SMARCA2: variants seen among roughly 807,000 people sequenced by gnomAD.
SMARCA2 encodes SWI/SNF-related matrix-associated actin-dependent regulator of chromatin subfamily A member 2.
SMARCA2 carries 61 observed loss-of-function variants against 199.8 expected under a neutral mutation model. The observed-to-expected ratio is 0.31, with a 90% CI of 0.25 to 0.38. SMARCA2 has a LOEUF of 0.38. Among genes scored for constraint, SMARCA2 ranks in the 10% least tolerant of loss-of-function variants. SMARCA2 has a pLI of 1.00. For missense variants in SMARCA2, 1,344 were observed against 2,012.2 expected (o/e 0.67, Z 6.35); for synonymous variants, 935 against 732.0 (o/e 1.28, Z -4.48).
At chr9:2,160,794 ATG>A (rs1415948875) in intron 27 of SMARCA2, 4 of 395,952 alleles carry the variant, frequency 1.0e-5, no homozygotes, top group Non-Finnish European at 1.8e-5. Context: ...TTTCTTTTCT[ATG>A]TTCAAATTTT....
intron 2 of SMARCA2, among the ~76,000 whole-genome samples, chr9:2,030,116 G>C (rs1818998842): frequency 6.6e-6 from 1 of 152,188 alleles, no homozygotes. Context: ...AGGTGGATAG[G>C]GTGGCAGGGC....
chr9:2,193,042 G>A lies in SMARCA2; in HGVS notation c.*303G>A. 1 of 292,286 alleles carries A rather than the reference G, an allele frequency of 3.4e-6. No individual in the cohort carries two copies. The highest frequency in any genetic ancestry group is 6.3e-6 in the Non-Finnish European group (1 of 159,568). The allele number at this position is 292,286 out of a possible 1,614,324, so 18.1% of individuals were successfully genotyped here. On this transcript the variant is annotated 3_prime_UTR_variant, in exon 34 of 34. Transcript: ENST00000349721. ...TATTTCTATGGGTGGGTCTAATTTG[G>A]TAACGGTTTGATTGTGCCTGGTTTT...
At chr9:2,185,967 G>C in intron 31 of SMARCA2, 129 bp from the exon 32 acceptor site, 1 of 867,122 alleles carries the variant, frequency 1.2e-6, no homozygotes, top group Non-Finnish European at 1.8e-6. Context: ...TTTTCATGTG[G>C]GCATAAAAGC....
chr9:2,092,246 T>A (rs1822093473), intron 19 of SMARCA2, among the ~76,000 whole-genome samples: 1 of 152,224 alleles, frequency 6.6e-6, no homozygotes, highest in Admixed American at 6.5e-5. Context: ...AATATGTATA[T>A]AATATCTGAG....
chr9:2,134,182 T>C (rs1195344034), intron 27 of SMARCA2, among the ~76,000 whole-genome samples: 1 of 152,016 alleles, frequency 6.6e-6, no homozygotes, highest in African/African-American at 2.4e-5. Context: ...AGACTCGGGG[T>C]GACAAGAGAA....
chr9:2,112,835 G>A (rs1385443061), intron 24 of SMARCA2, among the ~76,000 whole-genome samples: 1 of 152,108 alleles, frequency 6.6e-6, no homozygotes, highest in Non-Finnish European at 1.5e-5. Flanking sequence ...TCATTTAAAA[G>A]GTACAGAACT....
At chr9:2,178,275 C>G (rs1305486846) in intron 29 of SMARCA2, among the ~76,000 whole-genome samples, 1 of 152,164 alleles carries the variant, frequency 6.6e-6, no homozygotes, top group African/African-American at 2.4e-5. Context: ...AGTTGTACCC[C>G]TCCCCCACTT....
chr9:2,057,267 T>C (rs1820395614), intron 7 of SMARCA2, among the ~76,000 whole-genome samples: 1 of 152,234 alleles, frequency 6.6e-6, no homozygotes, highest in Non-Finnish European at 1.5e-5. Flanking sequence ...CTCCTTGTTT[T>C]CTTACGTGGT....
intron 4 of SMARCA2, chr9:2,040,173 C>T (rs73377073): frequency 1.0e-4 from 67 of 657,038 alleles, no homozygotes; most frequent in Middle Eastern, 4.2e-4. Context: ...CTCTTTGAAG[C>T]GGTTCAAGGT....
intron 29 of SMARCA2, among the ~76,000 whole-genome samples, chr9:2,179,595 A>ATTGT (rs1398884266): frequency 6.6e-6 from 1 of 152,162 alleles, no homozygotes; most frequent in African/African-American, 2.4e-5. Context: ...TCATACCTAG[A>ATTGT]TTGTTTTAGC....
At chr9:2,036,073 C>T (rs10964507) in intron 3 of SMARCA2, among the ~76,000 whole-genome samples, 14,183 of 152,130 alleles carry the variant, frequency 0.093, 817 homozygotes, top group East Asian at 0.22. Context: ...AAAGCCATTT[C>T]CTTCAATAAA....
intron 27 of SMARCA2, chr9:2,160,198 C>T (rs1483251762): frequency 2.5e-6 from 1 of 396,910 alleles, no homozygotes; most frequent in African/African-American, 2.1e-5. Flanking sequence ...AATATTAATG[C>T]AATAATGTGA....
chr9:2,157,735 T>G (rs1364507416), intron 27 of SMARCA2: 7 of 391,566 alleles, frequency 1.8e-5, no homozygotes, highest in Non-Finnish European at 2.3e-5. Flanking sequence ...GCTTTTTGTT[T>G]GCGTGTCCCT....
Position 2,107,173 on chromosome 9 carries a change from T to C in SMARCA2, c.3292+3004T>C, listed in dbSNP as rs550927455. Among the ~76,000 whole-genome samples, 12 of 152,300 alleles carry C rather than the reference T, an allele frequency of 7.9e-5. No individual in the cohort carries two copies. The South Asian group carries it at 2.3e-3, about 29-fold the overall frequency. On this transcript the variant is annotated intron_variant, in intron 23 of 33. Coordinates refer to ENST00000349721, the MANE Select transcript of SMARCA2 (RefSeq NM_003070.5). Reference sequence around the variant, plus strand: ...AAAGATTGCTGATGATCAGCAAAGATCTTGACTTGGAAATCTTTGACAGAA... The same window carrying C: ...AAAGATTGCTGATGATCAGCAAAGACCTTGACTTGGAAATCTTTGACAGAA...
At chr9:2,058,707 C>T (rs751685446) in intron 8 of SMARCA2, among the ~76,000 whole-genome samples, 3 of 152,082 alleles carry the variant, frequency 2.0e-5, no homozygotes, top group African/African-American at 7.2e-5. Flanking sequence ...TGGCATTGCG[C>T]GGTACACATT....
chr9:2,148,673 T>C (rs939054791), intron 27 of SMARCA2, among the ~76,000 whole-genome samples: 1 of 151,312 alleles, frequency 6.6e-6, no homozygotes. Flanking sequence ...CACACCCAAC[T>C]AATTTTTTTA....
intron 17 of SMARCA2, chr9:2,085,856 T>G (rs934278432): frequency 6.6e-6 from 1 of 152,318 alleles, no homozygotes; most frequent in African/African-American, 2.4e-5. Flanking sequence ...TGCCACTGTT[T>G]TGTAGAGAAT....
At chr9:2,111,363 T>C (rs928681331) in intron 24 of SMARCA2, among the ~76,000 whole-genome samples, 5 of 151,832 alleles carry the variant, frequency 3.3e-5, no homozygotes, top group African/African-American at 1.2e-4. Context: ...GTGGCACTTA[T>C]ACCTGTAGTC....
intron 33 of SMARCA2, chr9:2,192,396 G>A: frequency 6.0e-6 from 2 of 331,914 alleles, no homozygotes; most frequent in Middle Eastern, 8.7e-4. Context: ...TTTCTCCCAT[G>A]AATTTTCTAA....
Sources: gnomAD v4.1 joint callset for allele counts (sites outside exome capture counted in the v4.1 genomes callset) on GRCh38, gnomAD v4.1.1 for gene constraint, MANE v1.5 for transcripts, NCBI Gene and HGNC (gene_info 2026-07-23, HGNC 2026-07-21) for gene names.